ZNF536: variants seen among roughly 807,000 people sequenced by gnomAD.
The protein encoded by ZNF536 is zinc finger protein 536.
Under a neutral mutation model 84.5 loss-of-function variants are expected in ZNF536, and 13 were observed. The observed-to-expected ratio is 0.15, with a 90% confidence interval of 0.10 to 0.24. ZNF536 has a LOEUF of 0.24. ZNF536 is among the 10% of genes least tolerant of loss of function. The probability of loss-of-function intolerance (pLI) is 1.00; values close to 1 mark genes in which losing one functional copy is unlikely to be tolerated. For missense variants in ZNF536, 1,536 were observed against 1,747.5 expected, an observed-to-expected ratio of 0.88 and a Z score of 2.16; for synonymous variants, 811 against 742.5, an observed-to-expected ratio of 1.09 and a Z score of -1.50.
At chr19:30,699,459 A>G (rs866528726) in intron 1 of ZNF536, among the ~76,000 whole-genome samples, 3 of 152,204 alleles carry the variant, frequency 2.0e-5, no homozygotes, top group Admixed American at 6.5e-5. Context: ...AACCCAAATC[A>G]CAGGAAATTT....
intron 1 of ZNF536, among the ~76,000 whole-genome samples, chr19:30,394,799 A>G (rs1228688581): frequency 6.6e-6 from 1 of 152,200 alleles, no homozygotes; most frequent in Non-Finnish European, 1.5e-5. Flanking sequence ...CACTGAGCTG[A>G]GCTCAAGAGA....
At chr19:30,250,943 T>C (rs1462749516) in intron 1 of ZNF536, among the ~76,000 whole-genome samples, 1 of 152,092 alleles carries the variant, frequency 6.6e-6, no homozygotes, top group Non-Finnish European at 1.5e-5. Flanking sequence ...TTCCTCATTT[T>C]TGAGGAGTTT....
Position 30,693,443 on chromosome 19 carries a change from C to T in ZNF536, c.170-17314C>T, listed in dbSNP as rs138070845. 2.9e-3 allele frequency among the ~76,000 whole-genome samples: 435 copies of T among 152,192 alleles called. 2 individuals carry two copies. Among genetic ancestry groups the T allele is most frequent in the African/African-American group, 1.0e-2 (414 of 41,518 alleles). ...TCACATGCTTCATTGCAGCTGGGTG[C>T]GGACATCTGTCATTCCTCAGCCATA... is the stretch of plus-strand genomic sequence containing the variant. On this transcript the variant is annotated intron_variant, in intron 1 of 1. Transcript: ENST00000592773.
At chr19:30,672,993 C>G (rs146724566) in intron 1 of ZNF536, among the ~76,000 whole-genome samples, 194 of 152,206 alleles carry the variant, frequency 1.3e-3, no homozygotes, top group Middle Eastern at 3.4e-3. Context: ...CCCTTTAATC[C>G]AATAAGAGCC....
chr19:30,660,968 A>G (rs556161639), intron 1 of ZNF536, among the ~76,000 whole-genome samples: 1 of 152,334 alleles, frequency 6.6e-6, no homozygotes, highest in African/African-American at 2.4e-5. Flanking sequence ...TTGTGCAAAC[A>G]TTGACCAAAT....
chr19:30,698,639 G>T (rs904836205), intron 1 of ZNF536, among the ~76,000 whole-genome samples: 1 of 152,104 alleles, frequency 6.6e-6, no homozygotes, highest in Non-Finnish European at 1.5e-5. Flanking sequence ...TGTAGACTGG[G>T]GTTATGGATT....
chr19:30,641,000 G>A (rs144147265), intron 1 of ZNF536, among the ~76,000 whole-genome samples: 16 of 152,290 alleles, frequency 1.1e-4, no homozygotes, highest in African/African-American at 3.1e-4. Flanking sequence ...TCCCACCTGC[G>A]TAAGTCTCTA....
At chr19:30,404,309 C>A (rs1419274551) in intron 1 of ZNF536, among the ~76,000 whole-genome samples, 2 of 151,620 alleles carry the variant, frequency 1.3e-5, no homozygotes, top group Admixed American at 6.6e-5. Context: ...GTATTTGGGG[C>A]AGGCCAGAGG....
At chr19:30,319,173 G>A (rs572999049) in intron 2 of ZNF536, among the ~76,000 whole-genome samples, 7 of 152,336 alleles carry the variant, frequency 4.6e-5, no homozygotes, top group Admixed American at 2.6e-4. Context: ...GGGTCCGCAC[G>A]CTCTACGCAG....
chr19:30,351,164 T>A (rs567914659), intron 2 of ZNF536, among the ~76,000 whole-genome samples: 3 of 152,358 alleles, frequency 2.0e-5, no homozygotes, highest in Non-Finnish European at 2.9e-5. Context: ...ATTTTTTTTA[T>A]AACCTGTTCC....
intron 1 of ZNF536, among the ~76,000 whole-genome samples, chr19:30,649,946 G>A (rs887494346): frequency 6.6e-6 from 1 of 152,018 alleles, no homozygotes; most frequent in African/African-American, 2.4e-5. Flanking sequence ...TTGTAGATTA[G>A]AGACTTTATT....
rs186724332 is a variant in ZNF536, at chr19:30,621,572, G to A, written c.169+72058G>A. On this transcript the variant is annotated intron_variant, in intron 1 of 1. Transcript: ENST00000592773. ...AAGCTATGCAGGGTGGCCTCCAAGC[G>A]CCAGACCTAAAAACAATATCTTTAA... Among the ~76,000 whole-genome samples the A allele has an allele frequency of 2.7e-4, 41 of 152,300 alleles. No homozygotes were observed. In the East Asian group the frequency reaches 6.7e-3, roughly 25 times the overall value.
At chr19:30,559,694 G>A (rs949147965), downstream of ZNF536, among the ~76,000 whole-genome samples, 20 of 152,152 alleles carry the variant, frequency 1.3e-4, no homozygotes, top group Non-Finnish European at 2.6e-4. Flanking sequence ...GAGGCAGAGG[G>A]AGTGCAAAGC....
At chr19:30,311,115 G>C (rs980169263) in intron 2 of ZNF536, among the ~76,000 whole-genome samples, 1 of 152,126 alleles carries the variant, frequency 6.6e-6, no homozygotes, top group African/African-American at 2.4e-5. Flanking sequence ...GACCACTGGC[G>C]CTGCTCATGC....
intron 1 of ZNF536, among the ~76,000 whole-genome samples, chr19:30,612,408 C>T (rs1218740863): frequency 6.6e-6 from 1 of 152,158 alleles, no homozygotes; most frequent in African/African-American, 2.4e-5. Context: ...GGGACCATCA[C>T]CTCTTTACCA....
intron 1 of ZNF536, among the ~76,000 whole-genome samples, chr19:30,271,301 T>G (rs1231211443): frequency 9.1e-5 from 6 of 65,684 alleles, no homozygotes; most frequent in Admixed American, 2.9e-4. Flanking sequence ...TTTCTTTTCT[T>G]TTTTTTTTTT....
intron 1 of ZNF536, among the ~76,000 whole-genome samples, chr19:30,590,923 G>A (rs1406901666): frequency 1.3e-5 from 2 of 152,232 alleles, no homozygotes; most frequent in African/African-American, 4.8e-5. Context: ...ACTGGCAAGG[G>A]GCAAAGGGCA....
rs761077464 is a variant in ZNF536 at position 30,444,793 on chromosome 19, G to A, written c.1231G>A (p.Val411Met). 9.9e-6 allele frequency: 16 copies of A among 1,613,794 alleles called. No individual in the cohort carries two copies. In the Admixed American group the frequency reaches 1.0e-4, roughly 10 times the overall value. The change falls in exon 2 of 5, where the codon GTG becomes ATG. Residue 411 changes from valine to methionine, a missense_variant. Physicochemically the swap from Val to Met is conservative, Grantham distance 21. Coordinates refer to ENST00000355537, the MANE Select transcript of ZNF536 (RefSeq NM_014717.3). ...GAACAAGTCCCCCAGCGACCCCGAGGTGCCTGTGCCCATGGGCGGCATGTC... is the reference window on the plus strand; with the variant it reads ...GAACAAGTCCCCCAGCGACCCCGAGATGCCTGTGCCCATGGGCGGCATGTC... ...VKNKSPSDPE[V>M]PVPMGGMSQE...
chr19:30,531,737 G>T (rs1327256679), intron 2 of ZNF536, among the ~76,000 whole-genome samples: 1 of 152,042 alleles, frequency 6.6e-6, no homozygotes, highest in African/African-American at 2.4e-5. Context: ...CAATTCTTGT[G>T]CCTCAGCCTC....
Sources: gnomAD v4.1 joint callset for allele counts (sites outside exome capture counted in the v4.1 genomes callset) on GRCh38, gnomAD v4.1.1 for gene constraint, MANE v1.5 for transcripts, NCBI Gene and HGNC (gene_info 2026-07-23, HGNC 2026-07-21) for gene names.